Variants in PTMA observed in about 807,000 individuals in gnomAD.
PTMA encodes the protein prothymosin alpha.
PTMA carries 4 observed loss-of-function variants against 16.9 expected under a neutral mutation model. That is an observed-to-expected ratio of 0.24 (90% CI 0.12 to 0.54). The LOEUF (loss-of-function observed/expected upper bound fraction) is 0.54, where lower values mean the gene tolerates loss of function less well. Among genes scored for constraint, PTMA ranks in the 20% least tolerant of loss-of-function variants. PTMA has a pLI of 0.95. For missense variants in PTMA, 120 were observed against 137.7 expected, an observed-to-expected ratio of 0.87 and a Z score of 0.64; for synonymous variants, 58 against 47.9, an observed-to-expected ratio of 1.21 and a Z score of -0.87.
rs770467127 is a variant in PTMA, at chr2:231,711,880, T to C, written c.118-10T>C. Reference sequence around the variant, plus strand: ...GCTGGTAATGACATGGCCTGTTTTCTGTCGAGGAGAATGAGGAAAATGGGG... The same window carrying C: ...GCTGGTAATGACATGGCCTGTTTTCCGTCGAGGAGAATGAGGAAAATGGGG... On this transcript the variant is annotated splice_polypyrimidine_tract_variant and intron_variant, in intron 2 of 4. Coordinates refer to ENST00000409115, the MANE Select transcript of PTMA (RefSeq NM_002823.5). The C allele has an allele frequency of 6.2e-7, 1 of 1,612,480 alleles. No homozygotes were observed. The highest frequency in any genetic ancestry group is 1.3e-5 in the African/African-American group (1 of 74,848).
rs551763868 is a variant in PTMA, at chr2:231,711,970, A to G, written c.198A>G (p.Glu66=). ...AAGGTGGGGAGGAAGAGGAGGAGGAAGAAGAAGGTGATGGTGAGTAGCCTT... is the reference window on the plus strand; with the variant it reads ...AAGGTGGGGAGGAAGAGGAGGAGGAGGAAGAAGGTGATGGTGAGTAGCCTT... ...EEEGGEEEEE[E]EEGDGEEEDG... is the part of the protein sequence containing the mutation. Residue 66 remains glutamate, a synonymous_variant, in exon 3 of 5, where the codon GAA becomes GAG. Transcript: ENST00000409115. 38 of 1,576,762 alleles carry G rather than the reference A, an allele frequency of 2.4e-5. No individual in the cohort carries two copies. The highest frequency in any genetic ancestry group is 2.0e-4 in the African/African-American group (15 of 73,934).
rs2048497037 is a variant in PTMA at position 231,710,101 on chromosome 2, A to AGGC, written c.46-1245_46-1243dup. The AGGC allele has an allele frequency of 2.4e-6, 3 of 1,240,312 alleles. No individual in the cohort carries two copies. The Admixed American group carries it at 1.3e-4, about 53-fold the overall frequency. 76.8% of individuals were successfully genotyped at this position (1,240,312 alleles called of 1,614,324 possible). A position where few individuals can be genotyped will look rare whatever the true frequency, so the allele number is the denominator to read the frequency against. ...CGAGGGCGATGAGTAGTAGCCCGAGAGGCGCATCCCCGACAGTCTCGGACC... is the reference window on the plus strand; with the variant it reads ...CGAGGGCGATGAGTAGTAGCCCGAGAGGCGGCGCATCCCCGACAGTCTCGGACC... On this transcript the variant is annotated intron_variant, in intron 1 of 4. Transcript: ENST00000409115.
chr2:231,708,539 T>C lies in PTMA; in HGVS notation c.-168T>C, dbSNP rs2048468994. 4 of 774,066 alleles carry C rather than the reference T, an allele frequency of 5.2e-6. No individual in the cohort carries two copies. Among genetic ancestry groups the C allele is most frequent in the Non-Finnish European group, 2.2e-6 (1 of 461,456 alleles). 47.9% of individuals were successfully genotyped at this position (774,066 alleles called of 1,614,324 possible). A position where few individuals can be genotyped will look rare whatever the true frequency, so the allele number is the denominator to read the frequency against. ...GCCGCGTGAGTCCCCCACTGGCTGCTCTGAAAAGCCATCTTTGCATTGTTC... is the reference window on the plus strand; with the variant it reads ...GCCGCGTGAGTCCCCCACTGGCTGCCCTGAAAAGCCATCTTTGCATTGTTC... On this transcript the variant is annotated 5_prime_UTR_variant, in exon 1 of 5. Coordinates refer to ENST00000409115, the MANE Select transcript of PTMA (RefSeq NM_002823.5).
Position 231,712,486 on chromosome 2 carries a change from T to G in PTMA, c.255T>G (p.Ala85=). Residue 85 remains alanine (A), a synonymous_variant, in exon 4 of 5, where the codon GCT becomes GCG. Coordinates refer to ENST00000409115, the MANE Select transcript of PTMA (RefSeq NM_002823.5). The part of the protein sequence containing the change: ...DGDEDEEAES[A]TGKRAAEDDE... The stretch of plus-strand genomic sequence containing the variant: ...ATGAAGATGAGGAAGCTGAGTCAGC[T>G]ACGGGCAAGCGGGCAGCTGAAGATG... The G allele has an allele frequency of 6.2e-7, 1 of 1,614,196 alleles. No individual in the cohort carries two copies. The highest frequency in any genetic ancestry group is 8.5e-7 in the Non-Finnish European group (1 of 1,180,032).
At chr2:231,709,127 G>A (rs2048481401) in intron 1 of PTMA, among the ~76,000 whole-genome samples, 1 of 152,144 alleles carries the variant, frequency 6.6e-6, no homozygotes, top group African/African-American at 2.4e-5. Flanking sequence ...ACTCAAGCGC[G>A]TTGGGAATCG....
At position 231,711,334 on chromosome 2, in the gene PTMA, C is replaced by T. The variant is rs891321978; in HGVS notation, c.46-14C>T. The T allele has an allele frequency of 1.2e-6, 2 of 1,612,264 alleles. No individual in the cohort carries two copies. The highest frequency in any genetic ancestry group is 4.5e-5 in the East Asian group (2 of 44,874). ...AAGACTTACTGGTTACTGGTTCCTT[C>T]TTCCCTTTTGAAGGACTTAAAGGAG... On this transcript the variant is annotated splice_polypyrimidine_tract_variant and intron_variant, in intron 1 of 4. Coordinates refer to ENST00000409115, the MANE Select transcript of PTMA (RefSeq NM_002823.5).
intron 2 of PTMA, 92 bp from the exon 3 acceptor site, chr2:231,711,798 C>T (rs770289691): frequency 6.4e-7 from 1 of 1,560,172 alleles, no homozygotes; most frequent in Middle Eastern, 2.4e-4. Flanking sequence ...GATGCAGCCG[C>T]CAGCCTCTGG....
In PTMA at chr2:231,708,607, C is replaced by A; in HGVS notation, c.-100C>A. The A allele has an allele frequency of 6.7e-7, 1 of 1,492,966 alleles. No individual in the cohort carries two copies. The highest frequency in any genetic ancestry group is 1.7e-5 in the Admixed American group (1 of 58,710). The allele number at this position is 1,492,966 out of a possible 1,614,324, so 92.5% of individuals were successfully genotyped here. ...TCGCCGCAGCCGCCTCCGCCGCGCG[C>A]CTCCTCCGCCGCCGCGGACTCCGGC... On this transcript the variant is annotated 5_prime_UTR_variant, in exon 1 of 5. Coordinates refer to ENST00000409115, the MANE Select transcript of PTMA (RefSeq NM_002823.5).
chr2:231,708,877 C>A, intron 1 of PTMA, 126 bp downstream of exon 1: 1 of 1,172,740 alleles, frequency 8.5e-7, no homozygotes, highest in Non-Finnish European at 1.2e-6. Context: ...GGCCCGCCCC[C>A]GGCGCGGTGC....
chr2:231,708,911 T>TGGTGCGGGGGAG (rs2048475871), intron 1 of PTMA, among the ~76,000 whole-genome samples, 160 bp downstream of exon 1: 1 of 152,066 alleles, frequency 6.6e-6, no homozygotes, highest in Non-Finnish European at 1.5e-5. Context: ...ACTCTTTGTG[T>TGGTGCGGGGGAG]GGTGCGGGGG....
At chr2:231,711,539 G>T in intron 2 of PTMA, 120 bp downstream of exon 2, 1 of 946,442 alleles carries the variant, frequency 1.1e-6, no homozygotes, top group Non-Finnish European at 1.6e-6. Flanking sequence ...TTGCACAGTG[G>T]CAGTATCGTA....
At chr2:231,709,837 G>A in intron 1 of PTMA, 1 of 219,454 alleles carries the variant, frequency 4.6e-6, no homozygotes, top group Non-Finnish European at 8.9e-6. Flanking sequence ...TCGTGCCCCT[G>A]CAGGGATTGG....
At chr2:231,708,787 C>G in intron 1 of PTMA, 36 bp downstream of exon 1, 1 of 1,594,490 alleles carries the variant, frequency 6.3e-7, no homozygotes, top group East Asian at 2.2e-5. Context: ...TCGGGGTCCG[C>G]GCGCCGCCGC....
intron 2 of PTMA, 188 bp downstream of exon 2, chr2:231,711,607 T>C: frequency 1.4e-6 from 1 of 738,448 alleles, no homozygotes; most frequent in Non-Finnish European, 2.2e-6. Context: ...TAAAAACCTT[T>C]CGAGCAGCGC....
At chr2:231,710,984 C>G in intron 1 of PTMA, 1 of 235,260 alleles carries the variant, frequency 4.3e-6, no homozygotes, top group South Asian at 5.1e-5. Context: ...GCTCTTTGCA[C>G]TTGGAAGCAG....
At position 231,708,536 on chromosome 2, in the gene PTMA, T is replaced by A; in HGVS notation, c.-171T>A. On this transcript the variant is annotated 5_prime_UTR_variant, in exon 1 of 5. Coordinates refer to ENST00000409115, the MANE Select transcript of PTMA (RefSeq NM_002823.5). ...GGCGCCGCGTGAGTCCCCCACTGGC[T>A]GCTCTGAAAAGCCATCTTTGCATTG... 1.3e-6 allele frequency: 1 copy of A among 753,468 alleles called. No individual in the cohort carries two copies. The highest frequency in any genetic ancestry group is 2.3e-5 in the Admixed American group (1 of 43,210). 46.7% of individuals were successfully genotyped at this position (753,468 alleles called of 1,614,324 possible).
chr2:231,710,672 C>T (rs1480458668), intron 1 of PTMA: 3 of 433,548 alleles, frequency 6.9e-6, no homozygotes, highest in East Asian at 2.2e-4. Flanking sequence ...AGTCCCACCC[C>T]CGAGGTGCTG....
chr2:231,708,935 C>T (rs1025081933), intron 1 of PTMA, among the ~76,000 whole-genome samples, 184 bp downstream of exon 1: 1 of 152,296 alleles, frequency 6.6e-6, no homozygotes, highest in Non-Finnish European at 1.5e-5. Context: ...GGGCGGGAAC[C>T]GCCGCGGGCA....
chr2:231,709,383 G>T (rs1382549996), intron 1 of PTMA, among the ~76,000 whole-genome samples: 8 of 152,160 alleles, frequency 5.3e-5, no homozygotes, highest in Admixed American at 5.2e-4. Context: ...TGGGAGGCGG[G>T]GGTGGGCGCC....
Sources: allele counts gnomAD v4.1 joint callset (sites outside exome capture counted in the v4.1 genomes callset), GRCh38; gene constraint gnomAD v4.1.1; transcripts MANE v1.5; gene names NCBI Gene and HGNC (gene_info 2026-07-23, HGNC 2026-07-21).